The following LRRTM3 variants were observed in gnomAD, a reference collection of about 807,000 sequenced individuals.
The protein encoded by LRRTM3 is leucine rich repeat transmembrane neuronal 3, also known as leucine-rich repeat transmembrane neuronal protein 3.
LRRTM3 carries 24 observed loss-of-function variants against 44.7 expected under a neutral mutation model. The observed-to-expected ratio is 0.54, with a 90% CI of 0.39 to 0.76. The LOEUF (loss-of-function observed/expected upper bound fraction) is 0.76. Among genes scored for constraint, LRRTM3 ranks in the 30% least tolerant of loss-of-function variants. The pLI, the probability that LRRTM3 is intolerant of heterozygous loss-of-function variation, is 0.00. For synonymous variants in LRRTM3, 277 were observed against 278.7 expected, an observed-to-expected ratio of 0.99 and a Z score of 0.06; for missense variants, 587 against 702.2, an observed-to-expected ratio of 0.84 and a Z score of 1.85.
At chr10:66,997,155 C>T (rs1851400426) in intron 2 of LRRTM3, among the ~76,000 whole-genome samples, 1 of 152,100 alleles carries the variant, frequency 6.6e-6, no homozygotes, top group Middle Eastern at 3.2e-3. Context: ...TGCTTAGTGT[C>T]AAGCATTTGG....
chr10:66,954,176 A>T (rs1848677806), intron 2 of LRRTM3, among the ~76,000 whole-genome samples: 1 of 152,178 alleles, frequency 6.6e-6, no homozygotes, highest in Non-Finnish European at 1.5e-5. Flanking sequence ...TCTAGTATGA[A>T]ATTTGAAATA....
intron 2 of LRRTM3, among the ~76,000 whole-genome samples, chr10:66,938,227 T>G (rs1022320875): frequency 3.3e-5 from 5 of 152,148 alleles, no homozygotes; most frequent in Admixed American, 2.6e-4. Context: ...CATTTACCAT[T>G]TAACGGGCTT....
chr10:66,968,532 G>A (rs1046534598), intron 2 of LRRTM3, among the ~76,000 whole-genome samples: 1 of 151,782 alleles, frequency 6.6e-6, no homozygotes, highest in East Asian at 1.9e-4. Flanking sequence ...AAAAAAACGT[G>A]GTTAGAAGCG....
At chr10:67,081,225 G>C (rs913594817) in intron 2 of LRRTM3, among the ~76,000 whole-genome samples, 1 of 152,144 alleles carries the variant, frequency 6.6e-6, no homozygotes, top group Non-Finnish European at 1.5e-5. Context: ...AATGACTGTT[G>C]GCAGGGCATT....
At position 66,927,030 on chromosome 10, in the gene LRRTM3, T is replaced by C. The variant is rs1345372400; in HGVS notation, c.114T>C (p.Cys38=). ...SSAERGCPKG[C]RCEGKMVYCE... is the part of the protein sequence containing the mutation. ...CCGAACGAGGATGCCCTAAGGGCTG[T>C]AGGTGTGAAGGCAAAATGGTATATT... Residue 38 remains cysteine (C), a synonymous_variant, in exon 2 of 3, where the codon TGT becomes TGC. Transcript: ENST00000361320. This position sits in a 1 kb window ranked among gnomAD's most constrained non-coding sequence, Gnocchi z 4.7. 2 of 1,614,188 alleles carry C rather than the reference T, an allele frequency of 1.2e-6. No individual in the cohort carries two copies. The highest frequency in any genetic ancestry group is 1.7e-5 in the Admixed American group (1 of 60,022).
chr10:67,060,102 G>A (rs1221330472), intron 2 of LRRTM3, among the ~76,000 whole-genome samples: 1 of 152,076 alleles, frequency 6.6e-6, no homozygotes, highest in Non-Finnish European at 1.5e-5. Flanking sequence ...GATCACTTGA[G>A]CCTAGGATTT....
chr10:67,011,051 C>A (rs1044557319), intron 2 of LRRTM3, among the ~76,000 whole-genome samples: 2 of 151,920 alleles, frequency 1.3e-5, no homozygotes, highest in African/African-American at 2.4e-5. Context: ...CAATATAGGC[C>A]AGGCGCGGTG....
rs563801799 is a variant in LRRTM3, at chr10:66,987,220, C to A, written c.1536+58768C>A. Among the ~76,000 whole-genome samples, 5 of 152,262 alleles carry A rather than the reference C, an allele frequency of 3.3e-5. No homozygotes were observed. In the South Asian group the frequency reaches 1.0e-3, roughly 32 times the overall value. ...ATATGTTGTAAGGACTTAACTTTTT[C>A]TCTGAATGAAACGGGTGGCCACAAA... On this transcript the variant is annotated intron_variant, in intron 2 of 2. Coordinates refer to ENST00000361320, the MANE Select transcript of LRRTM3 (RefSeq NM_178011.5).
intron 2 of LRRTM3, among the ~76,000 whole-genome samples, chr10:66,964,883 A>G (rs1035743522): frequency 5.3e-5 from 8 of 152,104 alleles, no homozygotes; most frequent in African/African-American, 1.9e-4. Context: ...TCAAAATTAA[A>G]CCCTGACTAA....
At chr10:66,965,227 T>C (rs1014806993) in intron 2 of LRRTM3, among the ~76,000 whole-genome samples, 27 of 151,256 alleles carry the variant, frequency 1.8e-4, no homozygotes, top group Admixed American at 4.6e-4. Context: ...CTGGGTTTTT[T>C]TGGGGTTTTT....
chr10:67,028,550 GAAAATAGAATGTAGTTATGTC>G (rs1390475213), intron 2 of LRRTM3, among the ~76,000 whole-genome samples: 19 of 150,698 alleles, frequency 1.3e-4, no homozygotes, highest in African/African-American at 4.6e-4. Flanking sequence ...CAGACATTTT[GAAAATAGAATGTAGTTATGTC>G]AAACAGCATG....
chr10:66,974,190 T>A (rs891234696), intron 2 of LRRTM3, among the ~76,000 whole-genome samples: 5 of 152,186 alleles, frequency 3.3e-5, no homozygotes, highest in African/African-American at 1.2e-4. Context: ...AATCATTCAA[T>A]GTAGGTTTTT....
At chr10:67,072,584 G>A (rs1467780162) in intron 2 of LRRTM3, among the ~76,000 whole-genome samples, 1 of 152,168 alleles carries the variant, frequency 6.6e-6, no homozygotes, top group African/African-American at 2.4e-5. Context: ...GACTCAGCTG[G>A]GTTGGGGCTA....
chr10:67,047,124 C>T (rs1854803343), intron 2 of LRRTM3, among the ~76,000 whole-genome samples: 1 of 152,150 alleles, frequency 6.6e-6, no homozygotes, highest in Admixed American at 6.5e-5. Context: ...TCAGACAGTA[C>T]ACTTATCTTC....
intron 2 of LRRTM3, among the ~76,000 whole-genome samples, chr10:67,065,718 A>T (rs139486949): frequency 1.4e-3 from 213 of 152,232 alleles, no homozygotes; most frequent in African/African-American, 4.9e-3. Flanking sequence ...TAGATAAAAA[A>T]CTAAGCCACA....
At chr10:67,032,869 A>T (rs1853820835) in intron 2 of LRRTM3, among the ~76,000 whole-genome samples, 1 of 152,210 alleles carries the variant, frequency 6.6e-6, no homozygotes, top group Admixed American at 6.5e-5. Flanking sequence ...TCAGCTGTAT[A>T]TTAAAACAAC....
At chr10:66,948,487 C>T (rs1331291963) in intron 2 of LRRTM3, among the ~76,000 whole-genome samples, 2 of 152,166 alleles carry the variant, frequency 1.3e-5, no homozygotes, top group African/African-American at 4.8e-5. Context: ...CACTTTGTGA[C>T]AACTGACCGA....
intron 2 of LRRTM3, among the ~76,000 whole-genome samples, chr10:66,934,402 C>A (rs1260319442): frequency 6.6e-6 from 1 of 152,044 alleles, no homozygotes; most frequent in African/African-American, 2.4e-5. Context: ...CCTTTATAAA[C>A]CAACACAATT....
intron 2 of LRRTM3, among the ~76,000 whole-genome samples, chr10:67,056,342 T>C (rs1191528293): frequency 6.6e-6 from 1 of 152,192 alleles, no homozygotes; most frequent in African/African-American, 2.4e-5. Context: ...GTTACTTCTA[T>C]GCATAATTGG....
Sources: allele counts gnomAD v4.1 joint callset (sites outside exome capture counted in the v4.1 genomes callset), GRCh38; gene constraint gnomAD v4.1.1; non-coding constraint Gnocchi (gnomAD v3.1); transcripts MANE v1.5; gene names NCBI Gene and HGNC (gene_info 2026-07-23, HGNC 2026-07-21).